ADGRG2: variants seen among roughly 807,000 people sequenced by gnomAD.
ADGRG2 encodes the protein G protein-coupled receptor 64.
In ADGRG2, 26 loss-of-function variants were observed where a neutral mutation model predicts 74.1. The ratio of observed to expected loss-of-function variants is 0.35; its 90% CI spans 0.26 to 0.49. The LOEUF (loss-of-function observed/expected upper bound fraction) is 0.49. Among genes scored for constraint, ADGRG2 ranks in the 20% least tolerant of loss-of-function variants. The pLI is 0.99. For missense variants in ADGRG2, 619 were observed against 763.1 expected (o/e 0.81, Z 2.22); for synonymous variants, 296 against 295.2 (o/e 1.00, Z -0.03).
At chrX:19,079,886 G>T (rs2061814159) in intron 2 of ADGRG2, among the ~76,000 whole-genome samples, 1 of 109,348 alleles carries the variant, frequency 9.1e-6, no homozygotes, top group Admixed American at 9.8e-5. Context: ...GGTGAGGGGT[G>T]TTCTGCTTTT....
rs377373927 is a variant in ADGRG2, at chrX:19,094,288, C to T, written c.-46-11542G>A. Among the ~76,000 whole-genome samples, 17 of 110,845 alleles carry T rather than the reference C, an allele frequency of 1.5e-4. No individual in the cohort carries two copies. The East Asian group carries it at 2.3e-3, about 15-fold the overall frequency. On this transcript the variant is annotated intron_variant, in intron 1 of 28. Transcript: ENST00000379869. ...ATGTACACTATCCTGGTGATGGTTA[C>T]ACTCAAAGCCCAGACTTCACCAATA...
intron 3 of ADGRG2, among the ~76,000 whole-genome samples, chrX:19,047,525 A>C (rs1445841076): frequency 8.9e-6 from 1 of 112,384 alleles, no homozygotes; most frequent in Non-Finnish European, 1.9e-5. Context: ...CTTCCACCAC[A>C]TTCTTCCCCA....
chrX:19,057,473 T>C (rs1364062453), intron 3 of ADGRG2, among the ~76,000 whole-genome samples: 4 of 111,832 alleles, frequency 3.6e-5, no homozygotes, highest in African/African-American at 1.3e-4. Flanking sequence ...AGGTAGTCAT[T>C]TAGACGGTAC....
intron 1 of ADGRG2, among the ~76,000 whole-genome samples, chrX:19,085,483 C>A (rs2061922736): frequency 9.0e-6 from 1 of 110,774 alleles, no homozygotes; most frequent in South Asian, 3.9e-4. Flanking sequence ...CACGTGCAAC[C>A]ATGCTCGGCT....
At chrX:19,066,888 C>T (rs1384820114) in intron 3 of ADGRG2, among the ~76,000 whole-genome samples, 1 of 111,303 alleles carries the variant, frequency 9.0e-6, no homozygotes, top group Non-Finnish European at 1.9e-5. Flanking sequence ...TCCCCCTTTC[C>T]GAAAATACCA....
intron 27 of ADGRG2, among the ~76,000 whole-genome samples, chrX:18,995,482 C>T (rs944750300): frequency 9.0e-6 from 1 of 111,014 alleles, no homozygotes; most frequent in Admixed American, 9.6e-5. Context: ...AGGTGGTATT[C>T]ATGCAAAAGG....
At chrX:19,032,452 G>GTAT (rs2146698430) in intron 8 of ADGRG2, 1 of 111,880 alleles carries the variant, frequency 8.9e-6, no homozygotes, top group Non-Finnish European at 1.9e-5. Context: ...AACCATTGCT[G>GTAT]TATTACTTAC....
At chrX:19,062,039 G>A (rs1430297692) in intron 3 of ADGRG2, among the ~76,000 whole-genome samples, 1 of 111,590 alleles carries the variant, frequency 9.0e-6, no homozygotes, top group Non-Finnish European at 1.9e-5. Flanking sequence ...TGCTAATACA[G>A]CTCCCTTGAG....
chrX:19,094,623 A>G (rs980229104), intron 1 of ADGRG2, among the ~76,000 whole-genome samples: 9 of 112,556 alleles, frequency 8.0e-5, no homozygotes, highest in Non-Finnish European at 1.5e-4. Flanking sequence ...TACTGCCAGG[A>G]AAGTCTTGCA....
intron 11 of ADGRG2, among the ~76,000 whole-genome samples, 192 bp from the exon 12 acceptor site, chrX:19,024,140 C>A (rs1350385467): frequency 8.9e-6 from 1 of 111,805 alleles, no homozygotes; most frequent in African/African-American, 3.2e-5. Context: ...CAAGGGAAAC[C>A]AACCAGACAG....
chrX:18,993,181 C>T (rs994086084), intron 28 of ADGRG2, among the ~76,000 whole-genome samples: 1 of 111,574 alleles, frequency 9.0e-6, no homozygotes, highest in Non-Finnish European at 1.9e-5. Context: ...CTCCCTTCTT[C>T]TCCCCGCTCC....
intron 20 of ADGRG2, 103 bp downstream of exon 20, chrX:19,007,132 A>T: frequency 2.4e-6 from 2 of 823,839 alleles, no homozygotes; most frequent in Non-Finnish European, 3.6e-6. Flanking sequence ...GCTGAGCTGA[A>T]GGTTCTTTCT....
At chrX:19,070,268 A>G (rs1019043290) in intron 2 of ADGRG2, among the ~76,000 whole-genome samples, 8 of 112,658 alleles carry the variant, frequency 7.1e-5, no homozygotes, top group African/African-American at 2.6e-4. Flanking sequence ...AGTAGTTTAT[A>G]TCAGAATTGA....
Position 19,048,199 on chromosome X carries a change from C to T in ADGRG2, c.119-7975G>A, listed in dbSNP as rs187147763. ...GAACTGTCCCTTCCCCAAGGGTCCA[C>T]GAGATGCATTTTGGAGCGTCCATAA... is the stretch of plus-strand genomic sequence containing the variant. On this transcript the variant is annotated intron_variant, in intron 3 of 28. Transcript: ENST00000379869. Among the ~76,000 whole-genome samples the T allele has an allele frequency of 1.1e-4, 12 of 111,844 alleles. No homozygotes were observed. In the East Asian group the frequency reaches 1.4e-3, roughly 13 times the overall value.
intron 16 of ADGRG2, among the ~76,000 whole-genome samples, chrX:19,012,463 A>G (rs1025512459): frequency 2.7e-5 from 3 of 110,138 alleles, no homozygotes; most frequent in Admixed American, 9.8e-5. Context: ...TACAGCCCCA[A>G]TGCTTTTCTA....
At chrX:19,052,506 T>G (rs1326282365) in intron 3 of ADGRG2, among the ~76,000 whole-genome samples, 2 of 110,555 alleles carry the variant, frequency 1.8e-5, no homozygotes, top group African/African-American at 6.6e-5. Context: ...GGAGATGCAG[T>G]AGAGGCTTTT....
intron 11 of ADGRG2, among the ~76,000 whole-genome samples, chrX:19,025,236 C>G (rs2060675782): frequency 9.0e-6 from 1 of 111,669 alleles, no homozygotes; most frequent in Non-Finnish European, 1.9e-5. Flanking sequence ...TTTGTTGCAT[C>G]TTGTGTCTTC....
intron 1 of ADGRG2, among the ~76,000 whole-genome samples, chrX:19,100,915 C>T (rs925527984): frequency 8.8e-6 from 1 of 113,134 alleles, no homozygotes; most frequent in East Asian, 2.7e-4. Flanking sequence ...TGCGATTCCT[C>T]GCGGGCAAAG....
In ADGRG2 at chrX:19,013,770, G is replaced by A. The variant is rs766134066; in HGVS notation, c.1015C>T (p.Pro339Ser). 1.7e-6 allele frequency: 2 copies of A among 1,199,041 alleles called. No homozygotes were observed. The highest frequency in any genetic ancestry group is 2.2e-6 in the Non-Finnish European group (2 of 889,589). ...MPQTHVSGTP[P>S]PVKASFSSPT... ...GAGGAAAATGAGGCTTTCACAGGAG[G>A]TGGGGTGCCGGAGACATGGGTTTGG... Residue 339 changes from proline to serine, a missense_variant, in exon 16 of 29, where the codon CCT becomes TCT. Transcript: ENST00000379869.
Sources: allele counts gnomAD v4.1 joint callset (sites outside exome capture counted in the v4.1 genomes callset), GRCh38; gene constraint gnomAD v4.1.1; transcripts MANE v1.5; gene names NCBI Gene and HGNC (gene_info 2026-07-23, HGNC 2026-07-21).